Variants in SMARCA1 observed in about 807,000 individuals in gnomAD.
SMARCA1 encodes SNF2 related chromatin remodeling ATPase 1.
Under a neutral mutation model 93.6 loss-of-function variants are expected in SMARCA1, and 17 were observed. The ratio of observed to expected loss-of-function variants is 0.18; its 90% CI spans 0.12 to 0.27. SMARCA1 has a LOEUF of 0.27. Ranked by LOEUF, SMARCA1 falls within the 10% of genes least tolerant of loss-of-function variation. The pLI is 1.00. For missense variants in SMARCA1, 630 were observed against 819.0 expected, an observed-to-expected ratio of 0.77 and a Z score of 2.82; for synonymous variants, 271 against 271.4, an observed-to-expected ratio of 1.00 and a Z score of 0.01.
Position 129,456,840 on chromosome X carries a change from A to G in SMARCA1, c.3031-8397T>C, listed in dbSNP as rs574782378. On this transcript the variant is annotated intron_variant, in intron 23 of 24. Coordinates refer to ENST00000371121, the MANE Select transcript of SMARCA1 (RefSeq NM_001282874.2). The stretch of plus-strand genomic sequence containing the variant: ...AAAGAAAGTGGTTACTTGGGAAGGC[A>G]TCTACTCCTGGTGAAGATGCTGTGA... 2.7e-5 allele frequency among the ~76,000 whole-genome samples: 3 copies of G among 112,282 alleles called. No homozygotes were observed. In the South Asian group the frequency reaches 1.1e-3, roughly 42 times the overall value.
At chrX:129,454,925 G>C (rs965554397) in intron 23 of SMARCA1, among the ~76,000 whole-genome samples, 3 of 111,862 alleles carry the variant, frequency 2.7e-5, no homozygotes, top group African/African-American at 9.8e-5. Flanking sequence ...ACACCAGTTA[G>C]GGTGGCGATC....
intron 5 of SMARCA1, among the ~76,000 whole-genome samples, chrX:129,513,331 C>T (rs1294829367): frequency 9.2e-6 from 1 of 108,621 alleles, no homozygotes; most frequent in Non-Finnish European, 1.9e-5. Context: ...TTGAGAACAG[C>T]CTGACCAACA....
intron 1 of SMARCA1, 43 bp downstream of exon 1, chrX:129,523,154 G>A (rs773772068): frequency 1.7e-6 from 2 of 1,189,433 alleles, no homozygotes; most frequent in Non-Finnish European, 2.3e-6. Flanking sequence ...GAGGGGCCAG[G>A]CACAGGATTT....
intron 17 of SMARCA1, among the ~76,000 whole-genome samples, chrX:129,485,294 C>T (rs758288910): frequency 1.8e-5 from 2 of 112,421 alleles, no homozygotes; most frequent in Admixed American, 1.9e-4. Context: ...CATTTTGGAG[C>T]TTTAATGCTG....
intron 20 of SMARCA1, among the ~76,000 whole-genome samples, 189 bp from the exon 21 acceptor site, chrX:129,469,094 T>C (rs1933006126): frequency 8.9e-6 from 1 of 112,488 alleles, no homozygotes; most frequent in Non-Finnish European, 1.9e-5. Context: ...AAATAACTGC[T>C]TTTCTATTAC....
intron 6 of SMARCA1, among the ~76,000 whole-genome samples, chrX:129,509,323 C>T (rs1221208381): frequency 9.0e-6 from 1 of 111,070 alleles, no homozygotes; most frequent in African/African-American, 3.3e-5. Context: ...CAGATATTTA[C>T]TGATTGTCTA....
intron 18 of SMARCA1, 117 bp from the exon 19 acceptor site, chrX:129,480,931 T>C: frequency 1.7e-6 from 1 of 575,908 alleles, no homozygotes; most frequent in Non-Finnish European, 2.7e-6. Context: ...TCCATTTATA[T>C]GGCTGGGCCA....
intron 5 of SMARCA1, among the ~76,000 whole-genome samples, chrX:129,514,572 A>G (rs1935126176): frequency 8.9e-6 from 1 of 112,479 alleles, no homozygotes. Context: ...TCAGGCAGTC[A>G]TTTACATATT....
chrX:129,504,602 T>A, intron 9 of SMARCA1, 132 bp downstream of exon 9: 1 of 245,969 alleles, frequency 4.1e-6, no homozygotes, highest in Non-Finnish European at 7.4e-6. Flanking sequence ...GTCAGAAAGG[T>A]TAGGAGGGAG....
At chrX:129,457,810 T>C in intron 23 of SMARCA1, among the ~76,000 whole-genome samples, 1 of 112,173 alleles carries the variant, frequency 8.9e-6, no homozygotes, top group African/African-American at 3.2e-5. Context: ...GCTGATTTCC[T>C]ATTCCATATG....
intron 7 of SMARCA1, among the ~76,000 whole-genome samples, chrX:129,506,531 C>CA (rs1339272516): frequency 4.7e-5 from 5 of 106,096 alleles, no homozygotes; most frequent in East Asian, 3.0e-4. Context: ...ACTAAAAATA[C>CA]AAAAAAAAAT....
intron 23 of SMARCA1, among the ~76,000 whole-genome samples, chrX:129,451,780 T>G (rs1932309653): frequency 9.6e-6 from 1 of 104,120 alleles, no homozygotes; most frequent in Non-Finnish European, 2.0e-5. Flanking sequence ...CTCGGCTCAC[T>G]GCAAGCTCCA....
Position 129,480,730 on chromosome X carries a change from G to T in SMARCA1, c.2413C>A (p.Leu805Ile). 8.9e-7 allele frequency: 1 copy of T among 1,121,178 alleles called. No homozygotes were observed. 92.4% of individuals were successfully genotyped at this position (1,121,178 alleles called of 1,213,427 possible). The stretch of plus-strand genomic sequence containing the variant: ...TAGCCTATTGTCTTCCGATAATAAA[G>T]AATTTCCTTTTCCAGGAGCTCAAAT... ...RLFELLEKEILYYRKTIGYKV... is the reference protein window; with the variant it reads ...RLFELLEKEIIYYRKTIGYKV... The change falls in exon 19 of 25, where the codon CTT (leucine) becomes ATT (isoleucine). Residue 805 changes from leucine to isoleucine, a missense_variant. Around this residue, in one of 4 missense-constraint regions of SMARCA1, gnomAD observed 52 missense variants for 38.3 expected, o/e 1.36. Transcript: ENST00000371121.
chrX:129,463,825 T>C (rs1313971305), intron 23 of SMARCA1, among the ~76,000 whole-genome samples: 3 of 110,556 alleles, frequency 2.7e-5, no homozygotes, highest in African/African-American at 9.9e-5. Flanking sequence ...TAATACCAGC[T>C]ACTCGGGAGG....
chrX:129,459,836 T>C (rs759687497), intron 23 of SMARCA1, among the ~76,000 whole-genome samples: 1 of 111,505 alleles, frequency 9.0e-6, no homozygotes, highest in East Asian at 2.8e-4. Context: ...CGTGCTATGC[T>C]GGTCTCTTTA....
At chrX:129,521,044 A>AT (rs61606302) in intron 1 of SMARCA1, among the ~76,000 whole-genome samples, 2,181 of 102,883 alleles carry the variant, frequency 0.021, 23 homozygotes, top group African/African-American at 0.043. Flanking sequence ...CACTTGGCTA[A>AT]TTTTTTTTTT....
Position 129,508,190 on chromosome X carries a change from G to A in SMARCA1, c.811-94C>T, listed in dbSNP as rs1934894530. ...AATTAAAATATCAAGAAAATATTAA[G>A]AATTCTAAGAGACCCTGAGGATCAT... On this transcript the variant is annotated intron_variant, in intron 6 of 24. Coordinates refer to ENST00000371121, the MANE Select transcript of SMARCA1 (RefSeq NM_001282874.2). 5.4e-6 allele frequency: 3 copies of A among 552,740 alleles called. No individual in the cohort carries two copies. The African/African-American group carries it at 7.4e-5, about 14-fold the overall frequency. The allele number at this position is 552,740 out of a possible 1,213,427, so 45.6% of individuals were successfully genotyped here.
rs1477060311 is a variant in SMARCA1 at position 129,455,604 on chromosome X, A to AT, written c.3031-7162dup. 4.5e-5 allele frequency among the ~76,000 whole-genome samples: 5 copies of AT among 110,185 alleles called. No individual in the cohort carries two copies. The East Asian group carries it at 1.2e-3, about 27-fold the overall frequency. ...CATGTATCCCAGAACTTAAAGTATA[A>AT]TTTAAAAAAAAAAAGTGCTACTCCA... is the stretch of plus-strand genomic sequence containing the variant. On this transcript the variant is annotated intron_variant, in intron 23 of 24. Transcript: ENST00000371121.
At chrX:129,518,304 A>T in intron 2 of SMARCA1, 57 bp downstream of exon 2, 1 of 663,266 alleles carries the variant, frequency 1.5e-6, no homozygotes. Context: ...CATCTTTAAC[A>T]TCTCAACTAT....
Sources: allele counts gnomAD v4.1 joint callset (sites outside exome capture counted in the v4.1 genomes callset), GRCh38; gene constraint gnomAD v4.1.1; regional missense constraint gnomAD v4.1.1; transcripts MANE v1.5; gene names NCBI Gene and HGNC (gene_info 2026-07-23, HGNC 2026-07-21).